Variants in FSTL4 observed in about 807,000 individuals in gnomAD.
FSTL4 encodes the protein follistatin like 4.
FSTL4 carries 28 observed loss-of-function variants against 78.2 expected under a neutral mutation model. The ratio of observed to expected loss-of-function variants is 0.36; its 90% CI spans 0.27 to 0.49. The LOEUF (loss-of-function observed/expected upper bound fraction) is 0.49, where lower values mean the gene tolerates loss of function less well. Among genes scored for constraint, FSTL4 ranks in the 20% least tolerant of loss-of-function variants. The probability of loss-of-function intolerance (pLI) is 0.98; values close to 1 mark genes in which losing one functional copy is unlikely to be tolerated. For missense variants in FSTL4, 922 were observed against 1,084.9 expected (o/e 0.85, Z 2.11); for synonymous variants, 422 against 440.5 (o/e 0.96, Z 0.53).
chr5:133,360,485 T>A (rs940706427), intron 4 of FSTL4, among the ~76,000 whole-genome samples: 24 of 151,770 alleles, frequency 1.6e-4, no homozygotes, highest in Admixed American at 1.0e-3. Flanking sequence ...TTTTTTTTTT[T>A]TTTTTTTTTT....
chr5:133,509,231 T>C (rs1226143355), intron 3 of FSTL4, among the ~76,000 whole-genome samples: 2 of 152,200 alleles, frequency 1.3e-5, no homozygotes, highest in East Asian at 1.9e-4. Context: ...GCCCTTCTCC[T>C]GCAGTTTTGC....
In FSTL4 at chr5:133,603,956, G is replaced by T; in HGVS notation, c.28C>A (p.Leu10Ile). ...GGCAGGGAGGCTCCGAGCAGTGTGAGATGCAGCCAAAAGCCTCCTGGTTTC... is the reference window on the plus strand; with the variant it reads ...GGCAGGGAGGCTCCGAGCAGTGTGATATGCAGCCAAAAGCCTCCTGGTTTC... MKPGGFWLH[L>I]TLLGASLPAA... Residue 10 changes from leucine to isoleucine, a missense_variant, in exon 2 of 16, where the codon CTC becomes ATC. Transcript: ENST00000265342. The T allele has an allele frequency of 6.2e-7, 1 of 1,613,224 alleles. No homozygotes were observed. The highest frequency in any genetic ancestry group is 8.5e-7 in the Non-Finnish European group (1 of 1,179,150).
At chr5:133,275,156 C>T (rs1375976239) in intron 6 of FSTL4, among the ~76,000 whole-genome samples, 3 of 151,710 alleles carry the variant, frequency 2.0e-5, no homozygotes, top group Non-Finnish European at 4.4e-5. Context: ...CACAGCTATT[C>T]GGGAGGCTGA....
At chr5:133,598,428 T>C (rs77820809) in intron 2 of FSTL4, among the ~76,000 whole-genome samples, 3 of 131,518 alleles carry the variant, frequency 2.3e-5, no homozygotes, top group African/African-American at 9.3e-5. Flanking sequence ...GCACACCCCA[T>C]TCTGCAATTG....
intron 3 of FSTL4, among the ~76,000 whole-genome samples, chr5:133,533,111 C>A (rs1290955121): frequency 2.0e-5 from 3 of 152,192 alleles, no homozygotes; most frequent in Non-Finnish European, 4.4e-5. Context: ...GGAATTAGAG[C>A]TACCAAAAAT....
At chr5:133,454,022 AATTT>A (rs1198340029) in intron 3 of FSTL4, among the ~76,000 whole-genome samples, 1 of 152,166 alleles carries the variant, frequency 6.6e-6, no homozygotes, top group East Asian at 1.9e-4. Context: ...AGCGAGTTTT[AATTT>A]ATTTATCTAG....
the FSTL4 span, among the ~76,000 whole-genome samples, chr5:133,673,273 A>G: frequency 6.6e-6 from 1 of 152,208 alleles, no homozygotes; most frequent in East Asian, 1.9e-4. Context: ...CAGGCACTAC[A>G]GGGCTTGCTG....
intron 7 of FSTL4, chr5:133,244,434 A>G (rs950454038): frequency 1.3e-5 from 2 of 152,310 alleles, no homozygotes; most frequent in African/African-American, 4.8e-5. Context: ...GGTCAGAAGC[A>G]CATCCAGACA....
chr5:133,225,407 G>T lies in FSTL4; in HGVS notation c.1178-123C>A. On this transcript the variant is annotated intron_variant, in intron 9 of 15. Transcript: ENST00000265342. The surrounding 1 kb of genome is among the most constrained non-coding windows in gnomAD (Gnocchi z 4.6). Reference sequence around the variant, plus strand: ...GGGCAGCCAGCAGCCCTGATTATACGCCCAGGAAGGGCTGGCACATCTGAA... The same window carrying T: ...GGGCAGCCAGCAGCCCTGATTATACTCCCAGGAAGGGCTGGCACATCTGAA... 1 of 1,160,184 alleles carries T rather than the reference G, an allele frequency of 8.6e-7. No individual in the cohort carries two copies. Among genetic ancestry groups the T allele is most frequent in the Non-Finnish European group, 1.2e-6 (1 of 806,482 alleles). 71.9% of individuals were successfully genotyped at this position (1,160,184 alleles called of 1,614,324 possible).
At chr5:133,564,191 C>G (rs1455074638) in intron 3 of FSTL4, among the ~76,000 whole-genome samples, 1 of 152,108 alleles carries the variant, frequency 6.6e-6, no homozygotes, top group African/African-American at 2.4e-5. Context: ...TGGATTAGGG[C>G]CCACCCTAAT....
chr5:133,410,574 CT>C (rs1387354167), intron 3 of FSTL4, among the ~76,000 whole-genome samples: 2 of 152,208 alleles, frequency 1.3e-5, no homozygotes, highest in Non-Finnish European at 2.9e-5. Flanking sequence ...TCCTTGGAGA[CT>C]TGCCAGCACA....
intron 3 of FSTL4, among the ~76,000 whole-genome samples, chr5:133,544,661 T>C (rs2642694): frequency 0.39 from 59,157 of 152,062 alleles, 11,659 homozygotes; most frequent in African/African-American, 0.42. Flanking sequence ...GCAGTCTTAC[T>C]AGGCAGAAGA....
chr5:133,589,286 T>TAAAAAAAAAAAAAAAAA (rs113649317), intron 2 of FSTL4, among the ~76,000 whole-genome samples: 4 of 80,370 alleles, frequency 5.0e-5, no homozygotes, highest in Non-Finnish European at 1.1e-4. Flanking sequence ...TAGAGTATAA[T>TAAAAAAAAAAAAAAAAA]AAAAAAAAAA....
the FSTL4 span, among the ~76,000 whole-genome samples, chr5:133,689,167 C>T: frequency 6.6e-6 from 1 of 152,150 alleles, no homozygotes; most frequent in Middle Eastern, 3.2e-3. Context: ...GCCCGGTTGG[C>T]CAGCCAGTTT....
At chr5:133,509,951 A>G (rs1758691161) in intron 3 of FSTL4, among the ~76,000 whole-genome samples, 1 of 152,244 alleles carries the variant, frequency 6.6e-6, no homozygotes, top group African/African-American at 2.4e-5. Flanking sequence ...CTAGGGACAA[A>G]CATCTGGTTT....
At chr5:133,311,421 G>T (rs1476616685) in intron 6 of FSTL4, among the ~76,000 whole-genome samples, 2 of 152,104 alleles carry the variant, frequency 1.3e-5, no homozygotes, top group East Asian at 3.9e-4. Flanking sequence ...TGGTACTAAG[G>T]ATGATATGAA....
chr5:133,839,821 C>T, the FSTL4 span, among the ~76,000 whole-genome samples: 1 of 152,188 alleles, frequency 6.6e-6, no homozygotes, highest in African/African-American at 2.4e-5. Context: ...CAACCTTTTC[C>T]ACCTGCCAGT....
chr5:133,684,232 C>T, the FSTL4 span, among the ~76,000 whole-genome samples: 36 of 152,064 alleles, frequency 2.4e-4, no homozygotes, highest in African/African-American at 7.7e-4. Context: ...AGATAGCAGG[C>T]GGGGATGCTC....
At chr5:133,707,541 G>A in the FSTL4 span, among the ~76,000 whole-genome samples, 1 of 152,228 alleles carries the variant, frequency 6.6e-6, no homozygotes, top group Non-Finnish European at 1.5e-5. Context: ...TGTAGCCTGG[G>A]TCAGGAACAG....
Sources: gnomAD v4.1 joint callset for allele counts (sites outside exome capture counted in the v4.1 genomes callset) on GRCh38, gnomAD v4.1.1 for gene constraint, Gnocchi (gnomAD v3.1) non-coding constraint, MANE v1.5 for transcripts, NCBI Gene and HGNC (gene_info 2026-07-23, HGNC 2026-07-21) for gene names.